The following PFKFB2 variants were observed in gnomAD, a reference collection of about 807,000 sequenced individuals.
The protein encoded by PFKFB2 is 6-phosphofructo-2-kinase/fructose-2,6-biphosphatase 2.
PFKFB2 carries 53 observed loss-of-function variants against 68.0 expected under a neutral mutation model. The observed-to-expected ratio is 0.78, with a 90% CI of 0.63 to 0.98. The LOEUF is 0.98. PFKFB2 is among the 50% of genes least tolerant of loss of function. PFKFB2 has a pLI of 0.00. For missense variants in PFKFB2, 451 were observed against 642.0 expected, an observed-to-expected ratio of 0.70 and a Z score of 3.22; for synonymous variants, 222 against 227.6, an observed-to-expected ratio of 0.98 and a Z score of 0.22.
chr1:207,052,940 C>T (rs566347827), upstream of PFKFB2: 4 of 152,290 alleles, frequency 2.6e-5, no homozygotes, highest in South Asian at 8.3e-4. Flanking sequence ...ATTTTCTCGT[C>T]ACCCGGCACA....
chr1:207,073,394 G>C lies in PFKFB2; in HGVS notation c.*1023G>C. The stretch of plus-strand genomic sequence containing the variant: ...CAGTATCCTCTGGGGCTGTTTAGAA[G>C]GGCAGTTAGATTCAGGAGTCACCAC... On this transcript the variant is annotated 3_prime_UTR_variant, in exon 15 of 15. Coordinates refer to ENST00000367080, the MANE Select transcript of PFKFB2 (RefSeq NM_006212.2). 3 of 985,392 alleles carry C rather than the reference G, an allele frequency of 3.0e-6. No individual in the cohort carries two copies. The highest frequency in any genetic ancestry group is 3.6e-6 in the Non-Finnish European group (3 of 829,924). The allele number at this position is 985,392 out of a possible 1,614,324, so 61.0% of individuals were successfully genotyped here.
chr1:207,034,913 A>G (rs1023314186), intron 1 of PFKFB2: 2 of 152,796 alleles, frequency 1.3e-5, no homozygotes, highest in African/African-American at 4.8e-5. Flanking sequence ...CCTGGAATTC[A>G]TATTGTTTTT....
chr1:207,049,126 T>C (rs139358134), upstream of PFKFB2: 1,761 of 1,614,016 alleles, frequency 1.1e-3, 10 homozygotes, highest in Middle Eastern at 0.018. Context: ...GGTGAAGCGG[T>C]TGACATCAGT....
rs1425034882 is a variant in PFKFB2 at position 207,069,411 on chromosome 1, T to G, written c.988-13T>G. ...TCTATCTCTTCAAGCCAGCTTCAAG[T>G]GGCTTTTTGCAGGGTGTGTGTGAAG... On this transcript the variant is annotated splice_polypyrimidine_tract_variant and intron_variant, in intron 10 of 14. Coordinates refer to ENST00000367080, the MANE Select transcript of PFKFB2 (RefSeq NM_006212.2). 1.3e-6 allele frequency: 2 copies of G among 1,596,654 alleles called. No individual in the cohort carries two copies. Among genetic ancestry groups the G allele is most frequent in the East Asian group, 4.5e-5 (2 of 44,778 alleles).
chr1:207,078,782 G>A (rs1024954470), downstream of PFKFB2, among the ~76,000 whole-genome samples: 1 of 152,204 alleles, frequency 6.6e-6, no homozygotes, highest in Non-Finnish European at 1.5e-5. Flanking sequence ...TACGCCATTC[G>A]GGTAGTCAAG....
At position 207,063,696 on chromosome 1, in the gene PFKFB2, G is replaced by A. The variant is rs1025634000; in HGVS notation, c.451-77G>A. The A allele has an allele frequency of 5.1e-6, 6 of 1,173,284 alleles. No individual in the cohort carries two copies. The highest frequency in any genetic ancestry group is 6.4e-6 in the Non-Finnish European group (5 of 778,298). The allele number at this position is 1,173,284 out of a possible 1,614,324, so 72.7% of individuals were successfully genotyped here. On this transcript the variant is annotated intron_variant, in intron 6 of 14. Coordinates refer to ENST00000367080, the MANE Select transcript of PFKFB2 (RefSeq NM_006212.2). This position sits in a 1 kb window ranked among gnomAD's most constrained non-coding sequence, Gnocchi z 4.1. ...TCCTGGGAGATGTGGTGGCTGGGTG[G>A]GGTAGATGAGCATGTGCTCTTAATT...
chr1:207,072,349 A>G lies in PFKFB2; in HGVS notation c.1496A>G (p.Asp499Gly), dbSNP rs763511852. 3.7e-6 allele frequency: 6 copies of G among 1,613,442 alleles called. No individual in the cohort carries two copies. Among genetic ancestry groups the G allele is most frequent in the Non-Finnish European group, 5.1e-6 (6 of 1,179,808 alleles). The change falls in exon 15 of 15, where the codon GAC becomes GGC. Residue 499 changes from aspartate to glycine, a missense_variant. Transcript: ENST00000367080. The part of the protein sequence containing the change: ...LKPLSPLRAQ[D>G]MQEGAD ...CCCCTCAGCCCTCTCCGTGCCCAGG[A>G]CATGCAAGAAGGGGCCGACTAGCCG...
In PFKFB2 at chr1:207,072,775, G is replaced by A. The variant is rs1296135328; in HGVS notation, c.*404G>A. The A allele has an allele frequency of 5.0e-6, 5 of 1,003,688 alleles. No individual in the cohort carries two copies. Among genetic ancestry groups the A allele is most frequent in the South Asian group, 9.0e-5 (2 of 22,334 alleles). 62.2% of individuals were successfully genotyped at this position (1,003,688 alleles called of 1,614,324 possible). On this transcript the variant is annotated 3_prime_UTR_variant, in exon 15 of 15. Coordinates refer to ENST00000367080, the MANE Select transcript of PFKFB2 (RefSeq NM_006212.2). ...GGGGATGGAGGGCGGGTGAGCAGTC[G>A]GGGGACAAAAAGTCTATTTTTCCTT...
chr1:207,067,511 C>T lies in PFKFB2; in HGVS notation c.645C>T (p.Phe215=), dbSNP rs780777202. Residue 215 remains phenylalanine (F), a synonymous_variant, in exon 9 of 15, where the codon TTC becomes TTT. Coordinates refer to ENST00000367080, the MANE Select transcript of PFKFB2 (RefSeq NM_006212.2). ...DPDNYDKDLS[F]IKVINVGQRF... ...TTTCCTGTCCCAGGGATCTTTCTTT[C>T]ATCAAGGTGATAAACGTGGGCCAGC... The T allele has an allele frequency of 4.3e-6, 7 of 1,612,590 alleles. No individual in the cohort carries two copies. The Admixed American group carries it at 1.2e-4, about 27-fold the overall frequency.
At chr1:207,071,735 A>AT (rs35425352) in intron 14 of PFKFB2, among the ~76,000 whole-genome samples, 162 bp downstream of exon 14, 58,866 of 150,844 alleles carry the variant, frequency 0.39, 13,565 homozygotes, top group East Asian at 0.75. Flanking sequence ...TGTTGGAATT[A>AT]TTTTTTTTTT....
chr1:207,069,241 C>T (rs577328521), intron 10 of PFKFB2, among the ~76,000 whole-genome samples, 183 bp from the exon 11 acceptor site: 5 of 152,236 alleles, frequency 3.3e-5, no homozygotes, highest in South Asian at 2.1e-4. Flanking sequence ...GGTCCTCACC[C>T]GGTGAGTCAC....
In PFKFB2 at chr1:207,065,172, G is replaced by T; in HGVS notation, c.632+12G>T. The T allele has an allele frequency of 6.2e-7, 1 of 1,613,346 alleles. No homozygotes were observed. Among genetic ancestry groups the T allele is most frequent in the South Asian group, 1.1e-5 (1 of 91,034 alleles). Reference sequence around the variant, plus strand: ...GACAACTATGACAAGTAAGGTTTAAGGCCATGGTTTGAAGGGCCCAAGGCA... The same window carrying T: ...GACAACTATGACAAGTAAGGTTTAATGCCATGGTTTGAAGGGCCCAAGGCA... On this transcript the variant is annotated intron_variant, in intron 8 of 14. Coordinates refer to ENST00000367080, the MANE Select transcript of PFKFB2 (RefSeq NM_006212.2).
chr1:207,064,193 G>T (rs562711508), intron 7 of PFKFB2, among the ~76,000 whole-genome samples: 1 of 152,116 alleles, frequency 6.6e-6, no homozygotes, highest in Admixed American at 6.5e-5. Flanking sequence ...ATGCTTGTAG[G>T]CTCAGCACTT....
intron 1 of PFKFB2, among the ~76,000 whole-genome samples, chr1:207,038,032 A>AC (rs1349628862): frequency 6.6e-6 from 1 of 152,180 alleles, no homozygotes; most frequent in Admixed American, 6.5e-5. Flanking sequence ...CTGGTACTCC[A>AC]CTTCCACTCC....
At position 207,070,155 on chromosome 1, in the gene PFKFB2, T is replaced by G; in HGVS notation, c.1093-125T>G. 1 of 1,096,570 alleles carries G rather than the reference T, an allele frequency of 9.1e-7. No homozygotes were observed. Among genetic ancestry groups the G allele is most frequent in the Non-Finnish European group, 1.3e-6 (1 of 761,108 alleles). The allele number at this position is 1,096,570 out of a possible 1,614,324, so 67.9% of individuals were successfully genotyped here. A position where few individuals can be genotyped will look rare whatever the true frequency, so the allele number is the denominator to read the frequency against. ...CAGTTAGCAGGTGATGTAAACTCAC[T>G]GAGCCTCCAGGAGGAAAGCCAGCTG... On this transcript the variant is annotated intron_variant, in intron 11 of 14. Transcript: ENST00000367080. This position sits in a 1 kb window ranked among gnomAD's most constrained non-coding sequence, Gnocchi z 4.2.
intron 2 of PFKFB2, among the ~76,000 whole-genome samples, chr1:207,058,644 G>T (rs181523616): frequency 6.6e-6 from 1 of 152,012 alleles, no homozygotes; most frequent in Non-Finnish European, 1.5e-5. Flanking sequence ...TTTGAGACCG[G>T]GTTATGAGAC....
At position 207,053,326 on chromosome 1, in the gene PFKFB2, C is replaced by A. The variant is rs1682811022; in HGVS notation, c.-58C>A. ...GTTCGGTCGCGTTACAGGGCAGGCG[C>A]CGGGGCCAAGGCAGGGAGGGATCTT... On this transcript the variant is annotated 5_prime_UTR_variant, in exon 1 of 15. Coordinates refer to ENST00000367080, the MANE Select transcript of PFKFB2 (RefSeq NM_006212.2). 6.5e-6 allele frequency: 1 copy of A among 152,742 alleles called. No individual in the cohort carries two copies. The highest frequency in any genetic ancestry group is 2.4e-5 in the African/African-American group (1 of 41,464). The allele number at this position is 152,742 out of a possible 1,614,324, so 9.5% of individuals were successfully genotyped here.
chr1:207,080,936 C>T (rs1473357832), downstream of PFKFB2: 1 of 152,000 alleles, frequency 6.6e-6, no homozygotes, highest in Non-Finnish European at 1.5e-5. Context: ...AAGTGTTTAT[C>T]TCCTGGATTA....
chr1:207,072,022 C>G (rs1202999084), intron 14 of PFKFB2, among the ~76,000 whole-genome samples, 182 bp from the exon 15 acceptor site: 1 of 152,208 alleles, frequency 6.6e-6, no homozygotes, highest in African/African-American at 2.4e-5. Flanking sequence ...GCTCAAGGAG[C>G]TTCTCCCTTT....
Sources: allele counts gnomAD v4.1 joint callset (sites outside exome capture counted in the v4.1 genomes callset), GRCh38; gene constraint gnomAD v4.1.1; non-coding constraint Gnocchi (gnomAD v3.1); transcripts MANE v1.5; gene names NCBI Gene and HGNC (gene_info 2026-07-23, HGNC 2026-07-21).